Variants in BCAR3 observed in about 807,000 individuals in gnomAD.
BCAR3 encodes breast cancer anti-estrogen resistance protein 3.
A neutral mutation model predicts 80.1 loss-of-function variants in BCAR3; 37 were observed. The observed-to-expected ratio is 0.46, with a 90% CI of 0.36 to 0.61. The LOEUF (loss-of-function observed/expected upper bound fraction) is 0.61. Ranked by LOEUF, BCAR3 falls within the 20% of genes least tolerant of loss-of-function variation. The probability of loss-of-function intolerance (pLI) is 0.00; values close to 1 mark genes in which losing one functional copy is unlikely to be tolerated. For synonymous variants in BCAR3, 389 were observed against 418.9 expected (o/e 0.93, Z 0.87); for missense variants, 978 against 1,068.2 (o/e 0.92, Z 1.18).
At chr1:93,751,095 TC>T (rs1258004723) in intron 2 of BCAR3, among the ~76,000 whole-genome samples, 1 of 152,072 alleles carries the variant, frequency 6.6e-6, no homozygotes, top group East Asian at 1.9e-4. Flanking sequence ...CACACTCACC[TC>T]CCTTCATCCT....
rs1268863327 is a variant in BCAR3 at position 93,599,283 on chromosome 1, AC to A, written c.358-6891del. ...TGGAACAAAGTGCTGAGAGAATCAA[AC>A]CAGCAAGCAAAGAGAAGAGGAGCAA... On this transcript the variant is annotated intron_variant, in intron 3 of 11. Coordinates refer to ENST00000260502, the MANE Select transcript of BCAR3 (RefSeq NM_003567.4). The A allele has an allele frequency of 3.9e-5, 6 of 152,418 alleles. No homozygotes were observed. In the East Asian group the frequency reaches 5.8e-4, roughly 15 times the overall value. 9.4% of individuals were successfully genotyped at this position (152,418 alleles called of 1,614,324 possible).
In BCAR3 at chr1:93,586,931, C is replaced by T. The variant is rs1036466501; in HGVS notation, c.929+2046G>A. Among the ~76,000 whole-genome samples the T allele has an allele frequency of 2.6e-5, 4 of 152,152 alleles. No individual in the cohort carries two copies. The highest frequency in any genetic ancestry group is 9.7e-5 in the African/African-American group (4 of 41,440). On this transcript the variant is annotated intron_variant, in intron 5 of 11. Transcript: ENST00000260502. The surrounding 1 kb of genome is among the most constrained non-coding windows in gnomAD (Gnocchi z 4.2). ...CTGGGACTACAGGCGTGCACCACCACACCTGGTTAATTTTTGCATTTTTAG... is the reference window on the plus strand; with the variant it reads ...CTGGGACTACAGGCGTGCACCACCATACCTGGTTAATTTTTGCATTTTTAG...
Position 93,686,968 on chromosome 1 carries a change from G to GT in BCAR3, c.-11-12028dup, listed in dbSNP as rs549487463. On this transcript the variant is annotated intron_variant, in intron 3 of 13. Transcript: ENST00000370244. ...CACCCAGCATAGGTCAGGTTCCCCA[G>GT]TTAAATGTGCCTTACAGCACCCTCT... Among the ~76,000 whole-genome samples, 12 of 152,302 alleles carry GT rather than the reference G, an allele frequency of 7.9e-5. No individual in the cohort carries two copies. In the South Asian group the frequency reaches 2.5e-3, roughly 32 times the overall value.
intron 2 of BCAR3, among the ~76,000 whole-genome samples, chr1:93,827,735 G>C (rs1286073795): frequency 6.6e-6 from 1 of 151,818 alleles, no homozygotes; most frequent in African/African-American, 2.4e-5. Flanking sequence ...GAGAAGGGAG[G>C]AGGGAAAGGA....
Position 93,562,278 on chromosome 1 carries a change from T to C in BCAR3, c.2441A>G (p.Lys814Arg). 1 of 1,613,962 alleles carries C rather than the reference T, an allele frequency of 6.2e-7. No individual in the cohort carries two copies. The highest frequency in any genetic ancestry group is 2.2e-5 in the East Asian group (1 of 44,876). ...FNQILTALSR[K>R]LEPPPVKQAE... ...CTGCTTTACAGGAGGAGGTTCCAAT[T>C]TACGCGAGAGGGCAGTTAAAATCTG... Residue 814 changes from lysine to arginine, a missense_variant, in exon 12 of 12, where the codon AAA becomes AGA. Physicochemically the swap from Lys to Arg is conservative, Grantham distance 26. Coordinates refer to ENST00000260502, the MANE Select transcript of BCAR3 (RefSeq NM_003567.4).
At chr1:93,681,230 G>C (rs1423951188) in intron 1 of BCAR3, 2 of 152,210 alleles carry the variant, frequency 1.3e-5, no homozygotes, top group African/African-American at 2.4e-5. Flanking sequence ...GTGGCCGGCA[G>C]AGCAGCTCCG....
intron 2 of BCAR3, among the ~76,000 whole-genome samples, chr1:93,643,183 C>T (rs913610883): frequency 1.4e-5 from 2 of 147,588 alleles, no homozygotes; most frequent in Admixed American, 6.9e-5. Context: ...GCCAAGATCA[C>T]ACCATTGCAC....
chr1:93,819,943 A>G (rs983303440), intron 2 of BCAR3, among the ~76,000 whole-genome samples: 3 of 151,184 alleles, frequency 2.0e-5, no homozygotes, highest in Middle Eastern at 3.4e-3. Context: ...AGTAGGTCCC[A>G]GGGTCTGTTG....
intron 2 of BCAR3, among the ~76,000 whole-genome samples, chr1:93,770,743 G>C (rs1228442894): frequency 6.6e-6 from 1 of 152,164 alleles, no homozygotes; most frequent in Non-Finnish European, 1.5e-5. Flanking sequence ...TACTAGGGAG[G>C]GAGGAAAGAC....
In BCAR3 at chr1:93,674,640, G is replaced by A. The variant is rs1648377757; in HGVS notation, c.291C>T (p.Asp97=). Residue 97 remains aspartate (D), a synonymous_variant, in exon 2 of 12, where the codon GAC becomes GAT. Coordinates refer to ENST00000260502, the MANE Select transcript of BCAR3 (RefSeq NM_003567.4). The part of the protein sequence containing the change: ...QDGIQESPWQ[D]RHGETFTFRD... Reference sequence around the variant, plus strand: ...TGAAGGTGAAGGTTTCGCCGTGCCGGTCCTGCCATGGGCTCTCCTGGATGC... The same window carrying A: ...TGAAGGTGAAGGTTTCGCCGTGCCGATCCTGCCATGGGCTCTCCTGGATGC... 1 of 1,613,602 alleles carries A rather than the reference G, an allele frequency of 6.2e-7. No individual in the cohort carries two copies. Among genetic ancestry groups the A allele is most frequent in the Non-Finnish European group, 8.5e-7 (1 of 1,179,910 alleles).
rs190211782 is a variant in BCAR3, at chr1:93,741,659, C to T, written c.-62-35517G>A. ...TATCGGCTCACTGCAACCTCCACCT[C>T]CCGGCTTCAAGTGATTCTCCTGCCT... On this transcript the variant is annotated intron_variant, in intron 2 of 13. Coordinates refer to the BCAR3 transcript ENST00000370244. 3.1e-3 allele frequency among the ~76,000 whole-genome samples: 470 copies of T among 152,296 alleles called. 8 individuals are homozygous for T. The highest frequency in any genetic ancestry group is 3.1e-3 in the Non-Finnish European group (210 of 68,030).
At chr1:93,616,433 C>T (rs76925012) in intron 3 of BCAR3, among the ~76,000 whole-genome samples, 72 of 152,234 alleles carry the variant, frequency 4.7e-4, no homozygotes, top group South Asian at 2.3e-3. Flanking sequence ...AGCTTTTAAA[C>T]GCTGCCTATT....
chr1:93,796,911 G>A lies in BCAR3; in HGVS notation c.-63+48656C>T, dbSNP rs377048022. Among the ~76,000 whole-genome samples, 14 of 152,144 alleles carry A rather than the reference G, an allele frequency of 9.2e-5. No individual in the cohort carries two copies. In the East Asian group the frequency reaches 2.3e-3, roughly 25 times the overall value. On this transcript the variant is annotated intron_variant, in intron 2 of 13. Transcript: ENST00000370244. ...TCAACTGCCTGTTGGGAGAACACGG[G>A]TATTATTAAAAATGATCCCAATTTC... is the stretch of plus-strand genomic sequence containing the variant.
At chr1:93,675,139 A>G (rs1409701267) in intron 1 of BCAR3, among the ~76,000 whole-genome samples, 198 bp from the exon 2 acceptor site, 3 of 152,202 alleles carry the variant, frequency 2.0e-5, no homozygotes, top group Non-Finnish European at 2.9e-5. Flanking sequence ...AAATGATCCT[A>G]CATAGGAATT....
At chr1:93,584,880 A>C (rs1456617647) in intron 5 of BCAR3, 4 of 720,190 alleles carry the variant, frequency 5.6e-6, no homozygotes, top group Non-Finnish European at 6.8e-6. Flanking sequence ...AGACAGAGGC[A>C]CTGCACCAGC....
intron 2 of BCAR3, among the ~76,000 whole-genome samples, chr1:93,837,351 C>T (rs966483912): frequency 6.6e-6 from 1 of 152,216 alleles, no homozygotes; most frequent in African/African-American, 2.4e-5. Context: ...CTCAGTTGCT[C>T]TGTGTTTTGT....
At chr1:93,771,886 G>A (rs72723130) in intron 2 of BCAR3, among the ~76,000 whole-genome samples, 508 of 152,248 alleles carry the variant, frequency 3.3e-3, no homozygotes, top group Middle Eastern at 0.017. Context: ...ATTTTCCAAA[G>A]CTGCTTCTAA....
chr1:93,691,513 C>T (rs1649187511), intron 3 of BCAR3, among the ~76,000 whole-genome samples: 1 of 152,204 alleles, frequency 6.6e-6, no homozygotes, highest in Admixed American at 6.5e-5. Context: ...ACACAATCCA[C>T]CCTGCAAGAG....
At chr1:93,605,947 G>A (rs183455209) in intron 3 of BCAR3, among the ~76,000 whole-genome samples, 24 of 152,282 alleles carry the variant, frequency 1.6e-4, no homozygotes, top group African/African-American at 5.3e-4. Flanking sequence ...TAGAACAAAT[G>A]ACTTTCAAAT....
Sources: gnomAD v4.1 joint callset for allele counts (sites outside exome capture counted in the v4.1 genomes callset) on GRCh38, gnomAD v4.1.1 for gene constraint, Gnocchi (gnomAD v3.1) non-coding constraint, MANE v1.5 for transcripts, NCBI Gene and HGNC (gene_info 2026-07-23, HGNC 2026-07-21) for gene names.